The following EVA1C variants were observed in gnomAD, a reference collection of about 807,000 sequenced individuals.
EVA1C encodes protein eva-1 homolog C.
Under a neutral mutation model 45.4 loss-of-function variants are expected in EVA1C, and 25 were observed. The ratio of observed to expected loss-of-function variants is 0.55; its 90% CI spans 0.40 to 0.77. The LOEUF (loss-of-function observed/expected upper bound fraction) is 0.77, where lower values mean the gene tolerates loss of function less well. Ranked by LOEUF, EVA1C falls within the 30% of genes least tolerant of loss-of-function variation. The pLI is 0.00. For missense variants in EVA1C, 479 were observed against 554.8 expected, an observed-to-expected ratio of 0.86 and a Z score of 1.37; for synonymous variants, 190 against 221.2, an observed-to-expected ratio of 0.86 and a Z score of 1.25.
At chr21:32,489,449 T>C (rs141434913) in intron 4 of EVA1C, among the ~76,000 whole-genome samples, 62 of 152,346 alleles carry the variant, frequency 4.1e-4, no homozygotes, top group Middle Eastern at 3.4e-3. Flanking sequence ...TTCTGTTCCA[T>C]TAGTCTATGT....
chr21:32,455,472 A>C (rs1405530169), intron 2 of EVA1C, among the ~76,000 whole-genome samples: 3 of 152,082 alleles, frequency 2.0e-5, no homozygotes, highest in Non-Finnish European at 4.4e-5. Context: ...CATTCCAGCC[A>C]TAGCACCCAC....
chr21:32,452,986 T>G lies in EVA1C; in HGVS notation c.161-326T>G, dbSNP rs2035638469. ...AGAGTAGTCTTGGAAAATGCAACAT[T>G]TGGACATGAAAACAGGAGTGCCTGT... On this transcript the variant is annotated intron_variant, in intron 1 of 7. Coordinates refer to ENST00000300255, the MANE Select transcript of EVA1C (RefSeq NM_058187.5). This position sits in a 1 kb window ranked among gnomAD's most constrained non-coding sequence, Gnocchi z 4.0. 4.2e-6 allele frequency: 1 copy of G among 238,760 alleles called. No homozygotes were observed. The highest frequency in any genetic ancestry group is 2.2e-5 in the African/African-American group (1 of 45,028). The allele number at this position is 238,760 out of a possible 1,614,324, so 14.8% of individuals were successfully genotyped here. A position where few individuals can be genotyped will look rare whatever the true frequency, so the allele number is the denominator to read the frequency against.
rs991421262 is a variant in EVA1C at position 32,474,181 on chromosome 21, T to G, written c.634+6333T>G. ...CTCCCGCCTCAGCCTCCTAAAGTGC[T>G]GGGATTGCAGGCGTGAGCCACTGAG... On this transcript the variant is annotated intron_variant, in intron 4 of 7. Transcript: ENST00000300255. The surrounding 1 kb of genome is among the most constrained non-coding windows in gnomAD (Gnocchi z 4.4). Among the ~76,000 whole-genome samples, 5 of 152,218 alleles carry G rather than the reference T, an allele frequency of 3.3e-5. No homozygotes were observed.
chr21:32,493,448 C>A (rs144249652), intron 4 of EVA1C, among the ~76,000 whole-genome samples: 2 of 152,230 alleles, frequency 1.3e-5, no homozygotes, highest in East Asian at 3.9e-4. Context: ...TCGCTGTGGT[C>A]GCCCCGCCTA....
chr21:32,505,900 T>A (rs2037708430), intron 7 of EVA1C, among the ~76,000 whole-genome samples: 2 of 151,912 alleles, frequency 1.3e-5, no homozygotes, highest in Non-Finnish European at 2.9e-5. Flanking sequence ...GCAACAACCC[T>A]GAGAGATGGG....
chr21:32,429,705 A>T (rs2034625013), intron 1 of EVA1C, among the ~76,000 whole-genome samples: 1 of 152,198 alleles, frequency 6.6e-6, no homozygotes, highest in Admixed American at 6.5e-5. Flanking sequence ...CAAAAGGACA[A>T]TGTGCAGACT....
intron 4 of EVA1C, among the ~76,000 whole-genome samples, chr21:32,476,710 C>T (rs73353077): frequency 0.013 from 1,912 of 152,012 alleles, 31 homozygotes; most frequent in Admixed American, 0.038. Flanking sequence ...GTGTGATCCC[C>T]CCAAGTTATC....
chr21:32,488,645 G>T (rs2037053440), intron 4 of EVA1C, among the ~76,000 whole-genome samples: 1 of 151,318 alleles, frequency 6.6e-6, no homozygotes, highest in African/African-American at 2.4e-5. Flanking sequence ...GAGTGCAGTG[G>T]TGCAATCTCA....
rs779219061 is a variant in EVA1C, at chr21:32,467,838, C to T, written c.624C>T (p.Leu208=). The part of the protein sequence containing the change: ...RDICSSKAER[L]PPFDCLSYSA... ...TCTGCTCCTCCAAGGCAGAGCGGCTCCCCCCTTTCGGTATGTGCTTTTGTG... is the reference window on the plus strand; with the variant it reads ...TCTGCTCCTCCAAGGCAGAGCGGCTTCCCCCTTTCGGTATGTGCTTTTGTG... Residue 208 remains leucine, a synonymous_variant, in exon 4 of 8, where the codon CTC becomes CTT. Transcript: ENST00000300255. The T allele has an allele frequency of 1.9e-6, 3 of 1,608,324 alleles. No individual in the cohort carries two copies. Among genetic ancestry groups the T allele is most frequent in the Admixed American group, 1.7e-5 (1 of 58,932 alleles).
chr21:32,475,879 TTATC>T (rs10661334), intron 4 of EVA1C, among the ~76,000 whole-genome samples: 4,889 of 100,428 alleles, frequency 0.049, 92 homozygotes, highest in African/African-American at 0.065. Flanking sequence ...TCTAAAAACT[TTATC>T]TATCTATCTA....
At chr21:32,426,895 T>A (rs2034509310) in intron 1 of EVA1C, among the ~76,000 whole-genome samples, 1 of 152,112 alleles carries the variant, frequency 6.6e-6, no homozygotes, top group Non-Finnish European at 1.5e-5. Flanking sequence ...CAGGAATGGG[T>A]GTGCAGTATT....
intron 7 of EVA1C, among the ~76,000 whole-genome samples, chr21:32,513,979 C>T (rs2038055455): frequency 6.6e-6 from 1 of 152,096 alleles, no homozygotes; most frequent in Non-Finnish European, 1.5e-5. Context: ...CATTTTTTCT[C>T]CTGTCATTAT....
chr21:32,465,325 T>G (rs1042574266), intron 3 of EVA1C, among the ~76,000 whole-genome samples: 2 of 152,152 alleles, frequency 1.3e-5, no homozygotes, highest in African/African-American at 4.8e-5. Flanking sequence ...AGTGAGAGGC[T>G]GGGGTGGAAG....
At chr21:32,421,095 A>G (rs1393174723) in intron 1 of EVA1C, among the ~76,000 whole-genome samples, 1 of 152,222 alleles carries the variant, frequency 6.6e-6, no homozygotes, top group East Asian at 1.9e-4. Context: ...TTCTGAAACT[A>G]TTTCCCCAAC....
chr21:32,497,052 T>C (rs2146415305), intron 5 of EVA1C: 1 of 1,182,190 alleles, frequency 8.5e-7, no homozygotes, highest in South Asian at 1.2e-5. Flanking sequence ...GATGAGCCAA[T>C]GGAAGGAATG....
chr21:32,488,868 G>A (rs576152491), intron 4 of EVA1C, among the ~76,000 whole-genome samples: 3,034 of 6,092 alleles, frequency 0.5, 40 homozygotes, highest in Middle Eastern at 0.5. Flanking sequence ...TTATAGGCGT[G>A]AGCACCATGC....
intron 1 of EVA1C, among the ~76,000 whole-genome samples, chr21:32,429,088 A>G (rs1435981492): frequency 6.8e-6 from 1 of 146,152 alleles, no homozygotes; most frequent in Non-Finnish European, 1.5e-5. Context: ...GCCTTGGTGC[A>G]ATCTCAGCTC....
intron 4 of EVA1C, among the ~76,000 whole-genome samples, chr21:32,477,075 A>G (rs2036595834): frequency 1.3e-5 from 2 of 152,116 alleles, no homozygotes; most frequent in South Asian, 4.1e-4. Flanking sequence ...GGGTAAAGAG[A>G]GATGCCACTG....
chr21:32,427,460 A>C (rs1294280880), intron 1 of EVA1C, among the ~76,000 whole-genome samples: 10 of 151,978 alleles, frequency 6.6e-5, no homozygotes, highest in Non-Finnish European at 1.0e-4. Flanking sequence ...CATGCTTGTA[A>C]TCCCAGCACT....
Sources: allele counts gnomAD v4.1 joint callset (sites outside exome capture counted in the v4.1 genomes callset), GRCh38; gene constraint gnomAD v4.1.1; non-coding constraint Gnocchi (gnomAD v3.1); transcripts MANE v1.5; gene names NCBI Gene and HGNC (gene_info 2026-07-23, HGNC 2026-07-21).